Variants in ITPRIPL2 observed in about 807,000 individuals in gnomAD.
The protein encoded by ITPRIPL2 is ITPRIP like 2, also known as inositol 1,4,5-trisphosphate receptor-interacting protein-like 2.
In ITPRIPL2, 29 loss-of-function variants were observed where a neutral mutation model predicts 31.7. The observed-to-expected ratio is 0.91, with a 90% CI of 0.68 to 1.25. ITPRIPL2 has a LOEUF of 1.25. Among genes scored for constraint, ITPRIPL2 ranks in the 50% most tolerant of loss-of-function variants. ITPRIPL2 has a pLI of 0.00. For missense variants in ITPRIPL2, 696 were observed against 739.1 expected, an observed-to-expected ratio of 0.94 and a Z score of 0.68; for synonymous variants, 344 against 343.4, an observed-to-expected ratio of 1.00 and a Z score of -0.02.
chr16:19,121,525 G>A lies in ITPRIPL2; in HGVS notation c.*5456G>A, dbSNP rs956168371. Reference sequence around the variant, plus strand: ...CCCCCACAGTCAAGACCTGCCATTCGTTTTCTCTTGCAGGTTGGAGTAAAT... The same window carrying A: ...CCCCCACAGTCAAGACCTGCCATTCATTTTCTCTTGCAGGTTGGAGTAAAT... On this transcript the variant is annotated 3_prime_UTR_variant, in exon 1 of 1. Transcript: ENST00000381440. 6.0e-5 allele frequency: 10 copies of A among 167,006 alleles called. No homozygotes were observed. The highest frequency in any genetic ancestry group is 2.9e-5 in the Non-Finnish European group (2 of 68,112). The allele number at this position is 167,006 out of a possible 1,614,324, so 10.3% of individuals were successfully genotyped here.
In ITPRIPL2 at chr16:19,114,875, G is replaced by A; in HGVS notation, c.414G>A (p.Gly138=). 1 of 1,606,156 alleles carries A rather than the reference G, an allele frequency of 6.2e-7. No homozygotes were observed. ...GELVRAGRAR[G]SPGLIPGGAL... is the part of the protein sequence containing the mutation. ...TGGTGCGGGCTGGCCGCGCCCGGGGGTCCCCCGGTCTCATTCCTGGGGGAG... is the reference window on the plus strand; with the variant it reads ...TGGTGCGGGCTGGCCGCGCCCGGGGATCCCCCGGTCTCATTCCTGGGGGAG... Residue 138 remains glycine, a synonymous_variant, in exon 1 of 1, where the codon GGG becomes GGA. Transcript: ENST00000381440.
chr16:19,114,599 C>T lies in ITPRIPL2; in HGVS notation c.138C>T (p.Gly46=). 6.3e-7 allele frequency: 1 copy of T among 1,579,576 alleles called. No individual in the cohort carries two copies. The highest frequency in any genetic ancestry group is 1.8e-5 in the Admixed American group (1 of 56,950). ...CCGAGCCCGCCGACGGCGTGGATGGCGGCTTCCCGTTGCTTAAGGTGGCCG... is the reference window on the plus strand; with the variant it reads ...CCGAGCCCGCCGACGGCGTGGATGGTGGCTTCCCGTTGCTTAAGGTGGCCG... The part of the protein sequence containing the change: ...ARAEPADGVD[G]GFPLLKVAVL... Residue 46 remains glycine, a synonymous_variant, in exon 1 of 1, where the codon GGC becomes GGT. Coordinates refer to ENST00000381440, the MANE Select transcript of ITPRIPL2 (RefSeq NM_001034841.4).
chr16:19,115,944 C>A lies in ITPRIPL2; in HGVS notation c.1483C>A (p.Arg495=), dbSNP rs1296427170. 6.2e-7 allele frequency: 1 copy of A among 1,612,656 alleles called. No individual in the cohort carries two copies. The highest frequency in any genetic ancestry group is 8.5e-7 in the Non-Finnish European group (1 of 1,179,854). Residue 495 remains arginine (R), a synonymous_variant, in exon 1 of 1, where the codon CGG becomes AGG. Coordinates refer to ENST00000381440, the MANE Select transcript of ITPRIPL2 (RefSeq NM_001034841.4). ...GCACGCCCGGGAACTTGCAGCAGCG[C>A]GGTTGCTGTCCACGTGGCAAAGGCT... ...DGHARELAAA[R]LLSTWQRLPQ...
Position 19,120,488 on chromosome 16 carries a change from G to T in ITPRIPL2, c.*4419G>T, listed in dbSNP as rs1041780522. 1 of 146,910 alleles carries T rather than the reference G, an allele frequency of 6.8e-6. No homozygotes were observed. Among genetic ancestry groups the T allele is most frequent in the African/African-American group, 2.5e-5 (1 of 39,926 alleles). 9.1% of individuals were successfully genotyped at this position (146,910 alleles called of 1,614,324 possible). ...TTTTGCTCTTGTTTTACAGGCTGGG[G>T]TGCGGTGGGATGATCTTGGCTCACT... On this transcript the variant is annotated 3_prime_UTR_variant, in exon 1 of 1. Coordinates refer to ENST00000381440, the MANE Select transcript of ITPRIPL2 (RefSeq NM_001034841.4).
Position 19,115,826 on chromosome 16 carries a change from C to T in ITPRIPL2, c.1365C>T (p.Val455=). 6.2e-7 allele frequency: 1 copy of T among 1,612,840 alleles called. No individual in the cohort carries two copies. The highest frequency in any genetic ancestry group is 8.5e-7 in the Non-Finnish European group (1 of 1,179,962). Reference sequence around the variant, plus strand: ...GACGCCATACGCTCTTCCACTGCGTCCTGGGCCCTGGTGGGGCGGCTGCCG... The same window carrying T: ...GACGCCATACGCTCTTCCACTGCGTTCTGGGCCCTGGTGGGGCGGCTGCCG... The part of the protein sequence containing the change: ...LLRRHTLFHC[V]LGPGGAAAEV... The change falls in exon 1 of 1, where the codon GTC becomes GTT. Residue 455 remains valine, a synonymous_variant. Coordinates refer to ENST00000381440, the MANE Select transcript of ITPRIPL2 (RefSeq NM_001034841.4).
At position 19,116,237 on chromosome 16, in the gene ITPRIPL2, C is replaced by A; in HGVS notation, c.*168C>A. On this transcript the variant is annotated 3_prime_UTR_variant, in exon 1 of 1. Transcript: ENST00000381440. Reference sequence around the variant, plus strand: ...AAATATCACCTTCTCGCTTCACAGTCCAGTATAATATGACATCTTCACACC... The same window carrying A: ...AAATATCACCTTCTCGCTTCACAGTACAGTATAATATGACATCTTCACACC... 1 of 653,108 alleles carries A rather than the reference C, an allele frequency of 1.5e-6. No homozygotes were observed. Among genetic ancestry groups the A allele is most frequent in the Non-Finnish European group, 2.7e-6 (1 of 377,228 alleles). 40.5% of individuals were successfully genotyped at this position (653,108 alleles called of 1,614,324 possible). A position where few individuals can be genotyped will look rare whatever the true frequency, so the allele number is the denominator to read the frequency against.
At position 19,121,456 on chromosome 16, in the gene ITPRIPL2, A is replaced by G. The variant is rs2142442851; in HGVS notation, c.*5387A>G. The G allele has an allele frequency of 6.0e-6, 1 of 167,158 alleles. No individual in the cohort carries two copies. The highest frequency in any genetic ancestry group is 1.9e-4 in the East Asian group (1 of 5,178). 10.4% of individuals were successfully genotyped at this position (167,158 alleles called of 1,614,324 possible). A position where few individuals can be genotyped will look rare whatever the true frequency, so the allele number is the denominator to read the frequency against. On this transcript the variant is annotated 3_prime_UTR_variant, in exon 1 of 1. Coordinates refer to ENST00000381440, the MANE Select transcript of ITPRIPL2 (RefSeq NM_001034841.4). ...AATCAGATATGGTTCAGCTGCTACA[A>G]TTGTATGATTCAAAGGCAATTTAAT...
chr16:19,114,064 G>A lies in ITPRIPL2; in HGVS notation c.-398G>A, dbSNP rs1963395841. On this transcript the variant is annotated 5_prime_UTR_variant, in exon 1 of 1. Coordinates refer to ENST00000381440, the MANE Select transcript of ITPRIPL2 (RefSeq NM_001034841.4). ...CCCCTCGGAAGAGGAAACTCCCGGG[G>A]TCCGAGTAACAGGGTCAGGCGCGGA... The A allele has an allele frequency of 1.3e-5, 5 of 397,708 alleles. No homozygotes were observed. In the South Asian group the frequency reaches 5.1e-4, roughly 40 times the overall value. 24.6% of individuals were successfully genotyped at this position (397,708 alleles called of 1,614,324 possible).
chr16:19,119,833 A>C lies in ITPRIPL2; in HGVS notation c.*3764A>C, dbSNP rs1963491434. ...TTTGAGTCAGATCCTACATCAAACC[A>C]CTTAGGGCCAGTTTTTGGCATTTCC... On this transcript the variant is annotated 3_prime_UTR_variant, in exon 1 of 1. Coordinates refer to ENST00000381440, the MANE Select transcript of ITPRIPL2 (RefSeq NM_001034841.4). The C allele has an allele frequency of 6.0e-6, 1 of 166,998 alleles. No individual in the cohort carries two copies. The highest frequency in any genetic ancestry group is 1.5e-5 in the Non-Finnish European group (1 of 68,106). 10.3% of individuals were successfully genotyped at this position (166,998 alleles called of 1,614,324 possible). A position where few individuals can be genotyped will look rare whatever the true frequency, so the allele number is the denominator to read the frequency against.
rs139639685 is a variant in ITPRIPL2, at chr16:19,114,746, G to C, written c.285G>C (p.Pro95=). The C allele has an allele frequency of 6.2e-7, 1 of 1,612,732 alleles. No homozygotes were observed. The highest frequency in any genetic ancestry group is 1.7e-5 in the Admixed American group (1 of 59,998). ...AAFSSRHFRE[P]GLSILLESYY... ...TCTCCTCGAGACACTTCCGAGAGCC[G>C]GGCCTCAGCATCCTGCTGGAGAGTT... Residue 95 remains proline, a synonymous_variant, in exon 1 of 1, where the codon CCG becomes CCC. Transcript: ENST00000381440.
Position 19,116,051 on chromosome 16 carries a change from C to A in ITPRIPL2, c.1590C>A (p.Phe530Leu). 1 of 1,590,246 alleles carries A rather than the reference C, an allele frequency of 6.3e-7. No individual in the cohort carries two copies. The highest frequency in any genetic ancestry group is 8.6e-7 in the Non-Finnish European group (1 of 1,165,668). ...CCCGGAGTCAGCGCACCCAGGGCTT[C>A]CTTGAAGGTGAACCGTAAACCCTGA... is the stretch of plus-strand genomic sequence containing the variant. ...PPPRSQRTQG[F>L]LEGEP Residue 530 changes from phenylalanine to leucine, a missense_variant, in exon 1 of 1, where the codon TTC (phenylalanine) becomes TTA (leucine). Phe to Leu is a conservative substitution (Grantham distance 22). Coordinates refer to ENST00000381440, the MANE Select transcript of ITPRIPL2 (RefSeq NM_001034841.4).
rs894547579 is a variant in ITPRIPL2, at chr16:19,121,548, A to T, written c.*5479A>T. The T allele has an allele frequency of 2.4e-5, 4 of 167,012 alleles. No individual in the cohort carries two copies. Among genetic ancestry groups the T allele is most frequent in the African/African-American group, 9.7e-5 (4 of 41,410 alleles). 10.3% of individuals were successfully genotyped at this position (167,012 alleles called of 1,614,324 possible). ...TCGTTTTCTCTTGCAGGTTGGAGTA[A>T]ATTTGCACTTTGAATCATGTGGGTC... is the stretch of plus-strand genomic sequence containing the variant. On this transcript the variant is annotated 3_prime_UTR_variant, in exon 1 of 1. Coordinates refer to ENST00000381440, the MANE Select transcript of ITPRIPL2 (RefSeq NM_001034841.4).
chr16:19,115,186 G>T lies in ITPRIPL2; in HGVS notation c.725G>T (p.Gly242Val). 6.2e-7 allele frequency: 1 copy of T among 1,607,072 alleles called. No homozygotes were observed. Among genetic ancestry groups the T allele is most frequent in the Non-Finnish European group, 8.5e-7 (1 of 1,179,982 alleles). Residue 242 changes from glycine (G) to valine (V), a missense_variant, in exon 1 of 1, where the codon GGG (glycine) becomes GTG (valine). Coordinates refer to ENST00000381440, the MANE Select transcript of ITPRIPL2 (RefSeq NM_001034841.4). The part of the protein sequence containing the change: ...FADAFCVDVR[G>V]RRHLSATLVL... The stretch of plus-strand genomic sequence containing the variant: ...GATGCCTTCTGCGTGGATGTGCGCG[G>T]GCGGCGTCACCTCTCTGCTACTCTG...
chr16:19,114,512 C>T lies in ITPRIPL2; in HGVS notation c.51C>T (p.Thr17=). ...TACGCGTCTTCTGGCCCCTGGTGACCGGCCTGTGCACCGCCCTGGTGTGCC... is the reference window on the plus strand; with the variant it reads ...TACGCGTCTTCTGGCCCCTGGTGACTGGCCTGTGCACCGCCCTGGTGTGCC... The part of the protein sequence containing the change: ...LNLRVFWPLV[T]GLCTALVCLY... The change falls in exon 1 of 1, where the codon ACC becomes ACT. Residue 17 remains threonine (T), a synonymous_variant. Coordinates refer to ENST00000381440, the MANE Select transcript of ITPRIPL2 (RefSeq NM_001034841.4). The T allele has an allele frequency of 3.4e-6, 5 of 1,458,824 alleles. No individual in the cohort carries two copies. Among genetic ancestry groups the T allele is most frequent in the South Asian group, 1.4e-5 (1 of 69,350 alleles). The allele number at this position is 1,458,824 out of a possible 1,614,324, so 90.4% of individuals were successfully genotyped here. A position where few individuals can be genotyped will look rare whatever the true frequency, so the allele number is the denominator to read the frequency against.
In ITPRIPL2 at chr16:19,114,715, C is replaced by T. The variant is rs766285269; in HGVS notation, c.254C>T (p.Ala85Val). 3.7e-6 allele frequency: 6 copies of T among 1,612,734 alleles called. No individual in the cohort carries two copies. The highest frequency in any genetic ancestry group is 1.7e-5 in the Admixed American group (1 of 60,006). ...LPGSPRLEGH[A>V]AFSSRHFREP... ...GGGTCTCCCCGTCTGGAGGGTCACGCCGCCTTCTCCTCGAGACACTTCCGA... is the reference window on the plus strand; with the variant it reads ...GGGTCTCCCCGTCTGGAGGGTCACGTCGCCTTCTCCTCGAGACACTTCCGA... Residue 85 changes from alanine to valine, a missense_variant, in exon 1 of 1, where the codon GCC (alanine) becomes GTC (valine). Physicochemically the swap from Ala to Val is moderately conservative, Grantham distance 64 (BLOSUM62 0). Transcript: ENST00000381440.
In ITPRIPL2 at chr16:19,116,083, C is replaced by T. The variant is rs1227740037; in HGVS notation, c.*14C>T. The T allele has an allele frequency of 1.3e-6, 2 of 1,548,072 alleles. No homozygotes were observed. The highest frequency in any genetic ancestry group is 1.7e-6 in the Non-Finnish European group (2 of 1,144,878). On this transcript the variant is annotated 3_prime_UTR_variant, in exon 1 of 1. Coordinates refer to ENST00000381440, the MANE Select transcript of ITPRIPL2 (RefSeq NM_001034841.4). ...GGTGAACCGTAAACCCTGACAGCACCCCCACCTGACCAAATGCTCCTAAAG... is the reference window on the plus strand; with the variant it reads ...GGTGAACCGTAAACCCTGACAGCACTCCCACCTGACCAAATGCTCCTAAAG...
rs1311942232 is a variant in ITPRIPL2 at position 19,115,543 on chromosome 16, G to A, written c.1082G>A (p.Trp361Ter). 1.2e-6 allele frequency: 2 copies of A among 1,602,742 alleles called. No homozygotes were observed. Among genetic ancestry groups the A allele is most frequent in the South Asian group, 1.1e-5 (1 of 90,818 alleles). Residue 361 changes from tryptophan to a stop codon, truncating the protein, a stop_gained, in exon 1 of 1, where the codon TGG becomes TAG. Coordinates refer to ENST00000381440, the MANE Select transcript of ITPRIPL2 (RefSeq NM_001034841.4). LOFTEE classifies it high-confidence loss of function. ...CGCCAGGAGCAGAAGCTGCTGAGTT[G>A]GCTGCAGGAACGGGCAGCTCCAGGT... is the stretch of plus-strand genomic sequence containing the variant. ...TARQEQKLLSWLQERAAPGAC... is the reference protein window; with the variant it reads ...TARQEQKLLS
chr16:19,116,093 C>A lies in ITPRIPL2; in HGVS notation c.*24C>A. Reference sequence around the variant, plus strand: ...AAACCCTGACAGCACCCCCACCTGACCAAATGCTCCTAAAGCCTTTCCCAC... The same window carrying A: ...AAACCCTGACAGCACCCCCACCTGAACAAATGCTCCTAAAGCCTTTCCCAC... On this transcript the variant is annotated 3_prime_UTR_variant, in exon 1 of 1. Coordinates refer to ENST00000381440, the MANE Select transcript of ITPRIPL2 (RefSeq NM_001034841.4). The A allele has an allele frequency of 6.5e-7, 1 of 1,539,784 alleles. No homozygotes were observed. The highest frequency in any genetic ancestry group is 1.3e-5 in the South Asian group (1 of 79,876).
In ITPRIPL2 at chr16:19,114,872, G is replaced by T. The variant is rs775839356; in HGVS notation, c.411G>T (p.Arg137=). Residue 137 remains arginine (R), a synonymous_variant, in exon 1 of 1, where the codon CGG becomes CGT. Transcript: ENST00000381440. ...VGELVRAGRA[R]GSPGLIPGGA... ...AGCTGGTGCGGGCTGGCCGCGCCCGGGGGTCCCCCGGTCTCATTCCTGGGG... is the reference window on the plus strand; with the variant it reads ...AGCTGGTGCGGGCTGGCCGCGCCCGTGGGTCCCCCGGTCTCATTCCTGGGG... 1.9e-6 allele frequency: 3 copies of T among 1,605,566 alleles called. No homozygotes were observed. Among genetic ancestry groups the T allele is most frequent in the Non-Finnish European group, 2.5e-6 (3 of 1,176,662 alleles).
Sources: gnomAD v4.1 joint callset for allele counts on GRCh38, gnomAD v4.1.1 for gene constraint, MANE v1.5 for transcripts, NCBI Gene and HGNC (gene_info 2026-07-23, HGNC 2026-07-21) for gene names.